Variants in UNC13C observed in about 807,000 individuals in gnomAD.
UNC13C encodes the protein protein unc-13 homolog C.
UNC13C carries 174 observed loss-of-function variants against 245.4 expected under a neutral mutation model. That is an observed-to-expected ratio of 0.71 (90% CI 0.63 to 0.80). UNC13C has a LOEUF of 0.80. UNC13C is among the 30% of genes least tolerant of loss of function. The probability of loss-of-function intolerance (pLI) is 0.00; values close to 1 mark genes in which losing one functional copy is unlikely to be tolerated. For missense variants in UNC13C, 2,829 were observed against 2,602.9 expected (o/e 1.09, Z -1.89); for synonymous variants, 992 against 895.1 (o/e 1.11, Z -1.93).
intron 4 of UNC13C, among the ~76,000 whole-genome samples, chr15:54,175,508 A>ATTTTTTTTTTTTTT (rs55925649): frequency 7.5e-5 from 8 of 105,986 alleles, no homozygotes; most frequent in East Asian, 3.0e-4. Context: ...TGGCCCTAGA[A>ATTTTTTTTTTTTTT]TTTTTTTTTT....
At chr15:54,508,373 G>A (rs1235247648) in intron 23 of UNC13C, among the ~76,000 whole-genome samples, 1 of 151,860 alleles carries the variant, frequency 6.6e-6, no homozygotes, top group East Asian at 1.9e-4. Context: ...GTTTTTAAAA[G>A]CCCCTGCAGA....
At chr15:54,253,267 G>A (rs1379345041) in intron 8 of UNC13C, among the ~76,000 whole-genome samples, 1 of 152,206 alleles carries the variant, frequency 6.6e-6, no homozygotes, top group Non-Finnish European at 1.5e-5. Flanking sequence ...TAGACCAGGT[G>A]ATGGTGAAAT....
intron 17 of UNC13C, among the ~76,000 whole-genome samples, chr15:54,342,278 T>C (rs1325058304): frequency 3.3e-5 from 5 of 152,226 alleles, no homozygotes; most frequent in Non-Finnish European, 7.3e-5. Context: ...ACACATCTTT[T>C]TGTTATATTG....
chr15:54,092,454 A>G (rs1024191620), intron 2 of UNC13C, among the ~76,000 whole-genome samples: 5 of 152,182 alleles, frequency 3.3e-5, no homozygotes, highest in Non-Finnish European at 7.4e-5. Flanking sequence ...AAGGCTTTAC[A>G]TTCCATTTCT....
chr15:54,020,197 C>T (rs545157538), intron 2 of UNC13C, among the ~76,000 whole-genome samples: 4 of 152,002 alleles, frequency 2.6e-5, no homozygotes, highest in Non-Finnish European at 5.9e-5. Context: ...GCTCACACGG[C>T]GTTCTTAATT....
intron 2 of UNC13C, among the ~76,000 whole-genome samples, chr15:54,074,482 C>G (rs1898490798): frequency 6.6e-6 from 1 of 152,148 alleles, no homozygotes; most frequent in Non-Finnish European, 1.5e-5. Context: ...TGGCCATTTT[C>G]ACGATATTGA....
At chr15:54,596,748 C>T (rs1169232485) in intron 30 of UNC13C, among the ~76,000 whole-genome samples, 1 of 152,122 alleles carries the variant, frequency 6.6e-6, no homozygotes, top group Non-Finnish European at 1.5e-5. Context: ...TGATTTATTG[C>T]TCTATTAGTT....
chr15:54,270,811 A>G (rs1424332532), intron 10 of UNC13C, among the ~76,000 whole-genome samples: 3 of 152,170 alleles, frequency 2.0e-5, no homozygotes, highest in Admixed American at 6.5e-5. Flanking sequence ...GACACTACAA[A>G]GTAGTGCCCT....
chr15:54,595,204 G>A (rs1012206107), intron 30 of UNC13C, among the ~76,000 whole-genome samples: 2 of 152,030 alleles, frequency 1.3e-5, no homozygotes, highest in African/African-American at 2.4e-5. Flanking sequence ...CTGCTTCAAG[G>A]GAGTGTTATC....
chr15:53,960,379 C>T, the UNC13C span, among the ~76,000 whole-genome samples: 2 of 149,182 alleles, frequency 1.3e-5, no homozygotes, highest in East Asian at 2.0e-4. Context: ...TTTATAGGAT[C>T]GTAAGAAAGG....
At chr15:54,407,084 T>G (rs2140938294) in intron 18 of UNC13C, among the ~76,000 whole-genome samples, 1 of 152,302 alleles carries the variant, frequency 6.6e-6, no homozygotes, top group Admixed American at 6.5e-5. Context: ...GAATTGAAAC[T>G]ATTATATGCT....
intron 24 of UNC13C, among the ~76,000 whole-genome samples, chr15:54,518,296 G>C (rs922608986): frequency 6.6e-6 from 1 of 152,092 alleles, no homozygotes; most frequent in African/African-American, 2.4e-5. Context: ...TTTGGTTGGC[G>C]AGCCATGTCA....
At chr15:54,599,048 A>G (rs1899254334) in intron 30 of UNC13C, among the ~76,000 whole-genome samples, 1 of 152,160 alleles carries the variant, frequency 6.6e-6, no homozygotes, top group African/African-American at 2.4e-5. Flanking sequence ...CATAATAATC[A>G]AACATTTCAG....
chr15:54,246,375 C>T (rs2035991582), intron 7 of UNC13C, among the ~76,000 whole-genome samples: 1 of 149,444 alleles, frequency 6.7e-6, no homozygotes, highest in Non-Finnish European at 1.5e-5. Flanking sequence ...AAAAAATTGC[C>T]TTCTTTTTTG....
intron 13 of UNC13C, among the ~76,000 whole-genome samples, chr15:54,317,681 T>C (rs536270318): frequency 9.3e-4 from 141 of 152,090 alleles, no homozygotes; most frequent in African/African-American, 3.2e-3. Context: ...TACTCTGTGG[T>C]ATGATTAAAT....
At chr15:53,842,867 A>G in the UNC13C span, among the ~76,000 whole-genome samples, 1 of 149,580 alleles carries the variant, frequency 6.7e-6, no homozygotes, top group Non-Finnish European at 1.5e-5. Context: ...CACCAGGATC[A>G]TTCTTGTGCT....
chr15:53,898,945 A>G, the UNC13C span, among the ~76,000 whole-genome samples: 1 of 151,942 alleles, frequency 6.6e-6, no homozygotes, highest in Non-Finnish European at 1.5e-5. Context: ...ACTTCTCCAT[A>G]CACTGCCCCC....
At chr15:54,247,866 C>T (rs2036038055) in intron 7 of UNC13C, among the ~76,000 whole-genome samples, 2 of 152,020 alleles carry the variant, frequency 1.3e-5, no homozygotes, top group East Asian at 3.9e-4. Context: ...ATGAAATCTG[C>T]TCAGCTGTTT....
intron 1 of UNC13C, among the ~76,000 whole-genome samples, chr15:53,998,943 G>A (rs927590022): frequency 4.6e-5 from 7 of 151,788 alleles, no homozygotes; most frequent in African/African-American, 7.3e-5. Flanking sequence ...TACATTCCTG[G>A]AATAATTATG....
Sources: allele counts gnomAD v4.1 joint callset (sites outside exome capture counted in the v4.1 genomes callset), GRCh38; gene constraint gnomAD v4.1.1; transcripts MANE v1.5; gene names NCBI Gene and HGNC (gene_info 2026-07-23, HGNC 2026-07-21).